The following CNNM2 variants were observed in gnomAD, a reference collection of about 807,000 sequenced individuals.
The protein encoded by CNNM2 is metal transporter CNNM2.
CNNM2 carries 12 observed loss-of-function variants against 66.9 expected under a neutral mutation model. The observed-to-expected ratio is 0.18, with a 90% confidence interval of 0.11 to 0.29. The LOEUF (loss-of-function observed/expected upper bound fraction) is 0.29, where lower values mean the gene tolerates loss of function less well. Ranked by LOEUF, CNNM2 falls within the 10% of genes least tolerant of loss-of-function variation. CNNM2 has a pLI of 1.00. For synonymous variants in CNNM2, 557 were observed against 501.8 expected, an observed-to-expected ratio of 1.11 and a Z score of -1.47; for missense variants, 705 against 1,167.7, an observed-to-expected ratio of 0.60 and a Z score of 5.77.
At position 102,971,276 on chromosome 10, in the gene CNNM2, T is replaced by G. The variant is rs1490396881; in HGVS notation, c.1621+51175T>G. Among the ~76,000 whole-genome samples the G allele has an allele frequency of 5.4e-5, 8 of 147,592 alleles. No individual in the cohort carries two copies. In the Admixed American group the frequency reaches 5.4e-4, roughly 10 times the overall value. On this transcript the variant is annotated intron_variant, in intron 1 of 7. Coordinates refer to ENST00000369878, the MANE Select transcript of CNNM2 (RefSeq NM_017649.5). ...AAAAAAAAAAAGAAAAAAAAAAAAG[T>G]CTCTGGGACCTTTTAAGAAAGTCAC...
At chr10:103,065,586 A>G (rs1029582526) in intron 4 of CNNM2, among the ~76,000 whole-genome samples, 4 of 152,226 alleles carry the variant, frequency 2.6e-5, no homozygotes, top group African/African-American at 9.6e-5. Context: ...ATCTGTCTGC[A>G]GGGACACAAC....
intron 1 of CNNM2, chr10:102,927,494 T>C: frequency 1.3e-6 from 2 of 1,571,502 alleles, no homozygotes; most frequent in Admixed American, 3.6e-5. Flanking sequence ...GCGTGGTGGC[T>C]CATGCCTGTA....
At chr10:102,921,042 G>A in intron 1 of CNNM2, 6 of 968,426 alleles carry the variant, frequency 6.2e-6, no homozygotes, top group Non-Finnish European at 7.4e-6. Context: ...GTATGTCTCC[G>A]TCAACTCTCA....
intron 1 of CNNM2, among the ~76,000 whole-genome samples, chr10:103,037,843 T>C (rs1176319390): frequency 9.9e-5 from 15 of 152,134 alleles, no homozygotes; most frequent in Non-Finnish European, 2.1e-4. Context: ...TTTTTGTTTT[T>C]GTTTTTGTTT....
intron 1 of CNNM2, among the ~76,000 whole-genome samples, chr10:102,925,420 A>C (rs1845826540): frequency 6.6e-6 from 1 of 151,562 alleles, no homozygotes; most frequent in Admixed American, 6.6e-5. Context: ...TGTCGTTTAC[A>C]GTTTCCCTGG....
At chr10:103,044,280 C>T (rs1429496418) in intron 1 of CNNM2, among the ~76,000 whole-genome samples, 1 of 151,380 alleles carries the variant, frequency 6.6e-6, no homozygotes, top group East Asian at 2.0e-4. Context: ...TATTTGAGCT[C>T]GGTTTTGAAA....
chr10:103,021,237 A>G (rs1316678389), intron 1 of CNNM2, among the ~76,000 whole-genome samples: 1 of 152,160 alleles, frequency 6.6e-6, no homozygotes, highest in Non-Finnish European at 1.5e-5. Context: ...ATGGAGCCCC[A>G]CAGCCTCCCT....
intron 1 of CNNM2, among the ~76,000 whole-genome samples, chr10:102,990,276 T>C (rs991629117): frequency 6.6e-6 from 1 of 152,104 alleles, no homozygotes; most frequent in Non-Finnish European, 1.5e-5. Flanking sequence ...TAAGCCACCG[T>C]GCCCGGTCTT....
chr10:102,986,525 G>A (rs1429189934), intron 1 of CNNM2, among the ~76,000 whole-genome samples: 1 of 152,090 alleles, frequency 6.6e-6, no homozygotes, highest in East Asian at 1.9e-4. Context: ...GCTCACGCCT[G>A]TAATACCAGT....
At chr10:103,005,116 TGTTGG>T (rs1426254298) in intron 1 of CNNM2, among the ~76,000 whole-genome samples, 1 of 152,002 alleles carries the variant, frequency 6.6e-6, no homozygotes. Context: ...GGTTTTTCCC[TGTTGG>T]CCAGGCTGGT....
chr10:102,965,698 G>A (rs2063452795), intron 1 of CNNM2, among the ~76,000 whole-genome samples: 1 of 152,140 alleles, frequency 6.6e-6, no homozygotes, highest in East Asian at 1.9e-4. Context: ...ATCATTTGTA[G>A]GAGGGTTAAA....
intron 1 of CNNM2, 65 bp downstream of exon 1, chr10:102,920,166 T>A: frequency 6.2e-7 from 1 of 1,613,094 alleles, no homozygotes; most frequent in Non-Finnish European, 8.5e-7. Context: ...CCTACTTGAG[T>A]CCTCTACCCT....
intron 1 of CNNM2, among the ~76,000 whole-genome samples, chr10:102,989,403 A>G (rs1315812504): frequency 2.0e-5 from 3 of 151,984 alleles, no homozygotes; most frequent in Non-Finnish European, 2.9e-5. Context: ...AGGTTACTTC[A>G]ACAAATAAAG....
At position 103,078,567 on chromosome 10, in the gene CNNM2, T is replaced by C. The variant is rs1333582685; in HGVS notation, c.*1387T>C. ...TGTAGTGAAATTATGTCAGGAGGTA[T>C]ATGAGTGACTGAATTCTTAACTATA... On this transcript the variant is annotated 3_prime_UTR_variant, in exon 8 of 8. Coordinates refer to ENST00000369878, the MANE Select transcript of CNNM2 (RefSeq NM_017649.5). 1 of 152,250 alleles carries C rather than the reference T, an allele frequency of 6.6e-6. No individual in the cohort carries two copies. The highest frequency in any genetic ancestry group is 1.5e-5 in the Non-Finnish European group (1 of 68,044). 9.4% of individuals were successfully genotyped at this position (152,250 alleles called of 1,614,324 possible). A position where few individuals can be genotyped will look rare whatever the true frequency, so the allele number is the denominator to read the frequency against.
At chr10:102,984,199 T>A (rs1386683012) in intron 1 of CNNM2, among the ~76,000 whole-genome samples, 2 of 152,198 alleles carry the variant, frequency 1.3e-5, no homozygotes, top group Admixed American at 1.3e-4. Flanking sequence ...TAAAAACTTA[T>A]GTGATAATCC....
At chr10:102,926,541 C>G (rs1397223530) in intron 1 of CNNM2, among the ~76,000 whole-genome samples, 1 of 151,870 alleles carries the variant, frequency 6.6e-6, no homozygotes, top group Non-Finnish European at 1.5e-5. Context: ...GGTTTTCCTG[C>G]TTTTACTTAT....
intron 1 of CNNM2, among the ~76,000 whole-genome samples, chr10:102,934,396 T>A (rs1358737521): frequency 6.6e-6 from 1 of 151,138 alleles, no homozygotes; most frequent in African/African-American, 2.4e-5. Flanking sequence ...TTCTCCTGCC[T>A]CAGCCTCCCA....
At chr10:102,973,936 C>G (rs2063586342) in intron 1 of CNNM2, among the ~76,000 whole-genome samples, 1 of 152,044 alleles carries the variant, frequency 6.6e-6, no homozygotes, top group Admixed American at 6.6e-5. Context: ...ATCCTTTCTG[C>G]TCAGCTTCTG....
intron 4 of CNNM2, among the ~76,000 whole-genome samples, chr10:103,065,740 C>A (rs1014929585): frequency 3.3e-5 from 5 of 152,216 alleles, no homozygotes; most frequent in African/African-American, 4.8e-5. Flanking sequence ...GGTCACGCAG[C>A]CACTCTTGAG....
Sources: gnomAD v4.1 joint callset for allele counts (sites outside exome capture counted in the v4.1 genomes callset) on GRCh38, gnomAD v4.1.1 for gene constraint, MANE v1.5 for transcripts, NCBI Gene and HGNC (gene_info 2026-07-23, HGNC 2026-07-21) for gene names.